Variants in CHLSN observed in about 807,000 individuals in gnomAD.
CHLSN encodes protein cholesin.
At chr7:1,055,543 G>A in the CHLSN span, 2 of 428,604 alleles carry the variant, frequency 4.7e-6, no homozygotes, top group Non-Finnish European at 9.4e-6. Flanking sequence ...GTGCAGTACA[G>A]GCAGGAGAGG....
chr7:986,986 T>A, the CHLSN span: 1 of 1,376,256 alleles, frequency 7.3e-7, no homozygotes, highest in East Asian at 2.6e-5. Flanking sequence ...TCGGGGACGC[T>A]GAGGGATGGC....
At chr7:1,026,467 C>G in the CHLSN span, 1 of 152,228 alleles carries the variant, frequency 6.6e-6, no homozygotes, top group African/African-American at 2.4e-5. Context: ...TGGGCTTCAC[C>G]TGTGGAAGCC....
the CHLSN span, among the ~76,000 whole-genome samples, chr7:1,077,573 T>C: frequency 6.6e-6 from 1 of 152,268 alleles, no homozygotes; most frequent in Non-Finnish European, 1.5e-5. Context: ...TTTCTGAACG[T>C]GCAAGCCCTC....
the CHLSN span, chr7:985,092 C>G: frequency 6.2e-7 from 1 of 1,612,088 alleles, no homozygotes; most frequent in Admixed American, 1.7e-5. Context: ...AGCTGGATGG[C>G]TACAGAGGTG....
the CHLSN span, among the ~76,000 whole-genome samples, chr7:1,064,045 C>CTTCAACA: frequency 6.6e-6 from 1 of 152,152 alleles, no homozygotes; most frequent in Non-Finnish European, 1.5e-5. Context: ...GAGGGAGTCA[C>CTTCAACA]TTCAACATCT....
At chr7:985,192 G>T in the CHLSN span, 1 of 1,568,866 alleles carries the variant, frequency 6.4e-7, no homozygotes, top group Non-Finnish European at 8.6e-7. Flanking sequence ...GGCCCTACTG[G>T]GCTGGGCTCC....
chr7:1,110,419 C>A, the CHLSN span, among the ~76,000 whole-genome samples: 1 of 152,246 alleles, frequency 6.6e-6, no homozygotes, highest in Non-Finnish European at 1.5e-5. Context: ...GCCGGCACCT[C>A]CCGGGCCAAG....
the CHLSN span, among the ~76,000 whole-genome samples, chr7:1,059,834 TG>T: frequency 6.0e-4 from 18 of 30,178 alleles, no homozygotes; most frequent in African/African-American, 2.1e-3. Context: ...GGGGCGGGTC[TG>T]TAGTGAGGCG....
At chr7:1,131,032 T>C in the CHLSN span, among the ~76,000 whole-genome samples, 1 of 151,796 alleles carries the variant, frequency 6.6e-6, no homozygotes, top group Non-Finnish European at 1.5e-5. Context: ...TACAAAACAT[T>C]TTTTAAAAAT....
chr7:1,098,751 C>T, the CHLSN span, among the ~76,000 whole-genome samples: 1 of 152,222 alleles, frequency 6.6e-6, no homozygotes, highest in African/African-American at 2.4e-5. Flanking sequence ...CCACTGCGTG[C>T]GTCCGCCAAT....
the CHLSN span, among the ~76,000 whole-genome samples, chr7:1,060,489 G>A: frequency 6.6e-6 from 1 of 152,160 alleles, no homozygotes; most frequent in African/African-American, 2.4e-5. Context: ...CAGGGACAGT[G>A]GGGGTAGGGT....
the CHLSN span, among the ~76,000 whole-genome samples, chr7:998,129 C>T: frequency 1.3e-5 from 2 of 152,172 alleles, no homozygotes; most frequent in African/African-American, 4.8e-5. Context: ...ATGAAAGGTG[C>T]ATTCAGAACA....
At chr7:1,130,048 G>A in the CHLSN span, among the ~76,000 whole-genome samples, 7 of 152,144 alleles carry the variant, frequency 4.6e-5, no homozygotes, top group South Asian at 2.1e-4. Flanking sequence ...TGGCACCCTC[G>A]GGTGGAGGGG....
At chr7:1,136,587 C>T in the CHLSN span, among the ~76,000 whole-genome samples, 4 of 113,580 alleles carry the variant, frequency 3.5e-5, no homozygotes, top group African/African-American at 1.1e-4. Context: ...CATATATAAA[C>T]ATATATAAAC....
chr7:1,131,094 GGT>G, the CHLSN span, among the ~76,000 whole-genome samples: 14 of 151,558 alleles, frequency 9.2e-5, no homozygotes, highest in Non-Finnish European at 4.4e-5. Context: ...AGGAGGTAGA[GGT>G]GGGAGGATTG....
the CHLSN span, among the ~76,000 whole-genome samples, chr7:981,637 C>G: frequency 6.6e-6 from 1 of 151,908 alleles, no homozygotes; most frequent in Non-Finnish European, 1.5e-5. Flanking sequence ...TCGCTCCAAC[C>G]CGGGAGGCGG....
At chr7:1,084,645 C>A in the CHLSN span, among the ~76,000 whole-genome samples, 1 of 152,226 alleles carries the variant, frequency 6.6e-6, no homozygotes, top group Admixed American at 6.5e-5. Context: ...GGAAGCCTCA[C>A]TCCGCCCAGC....
chr7:1,057,539 C>T, the CHLSN span: 19 of 771,650 alleles, frequency 2.5e-5, no homozygotes, highest in East Asian at 9.7e-5. Flanking sequence ...GCTGGTTCAA[C>T]GGCACAGGGC....
the CHLSN span, among the ~76,000 whole-genome samples, chr7:1,035,898 A>G: frequency 1.1e-3 from 161 of 152,340 alleles, no homozygotes; most frequent in African/African-American, 3.7e-3. Flanking sequence ...GATGCCCTTC[A>G]GTAGGGGACT....
Sources: allele counts gnomAD v4.1 joint callset (sites outside exome capture counted in the v4.1 genomes callset), GRCh38; gene constraint gnomAD v4.1.1; transcripts MANE v1.5; gene names NCBI Gene and HGNC (gene_info 2026-07-23, HGNC 2026-07-21).